Variants in SLC9C2 observed in about 807,000 individuals in gnomAD.
SLC9C2 encodes solute carrier family 9 member C2 (putative), also known as sodium/hydrogen exchanger 11.
SLC9C2 carries 75 observed loss-of-function variants against 140.2 expected under a neutral mutation model. The observed-to-expected ratio is 0.53, with a 90% CI of 0.44 to 0.65. SLC9C2 has a LOEUF of 0.65. SLC9C2 is among the 30% of genes least tolerant of loss of function. The pLI is 0.00. For synonymous variants in SLC9C2, 375 were observed against 420.9 expected (o/e 0.89, Z 1.34); for missense variants, 1,074 against 1,331.8 (o/e 0.81, Z 3.01).
chr1:173,575,796 T>C (rs910957865), intron 8 of SLC9C2, among the ~76,000 whole-genome samples: 1 of 152,132 alleles, frequency 6.6e-6, no homozygotes, highest in Non-Finnish European at 1.5e-5. Flanking sequence ...GCCAGGATGG[T>C]CTCGATCTCC....
At chr1:173,559,861 A>G (rs1355389843) in intron 9 of SLC9C2, among the ~76,000 whole-genome samples, 7 of 152,158 alleles carry the variant, frequency 4.6e-5, no homozygotes, top group Non-Finnish European at 8.8e-5. Flanking sequence ...TGGGGATATG[A>G]TAGGGGTGGA....
chr1:173,556,634 C>T (rs1005523047), intron 10 of SLC9C2, among the ~76,000 whole-genome samples: 2 of 151,676 alleles, frequency 1.3e-5, no homozygotes, highest in African/African-American at 2.4e-5. Context: ...GCATTTGTAC[C>T]CGGGCCTGGT....
At chr1:173,563,439 A>G (rs1396168650) in intron 9 of SLC9C2, among the ~76,000 whole-genome samples, 1 of 152,040 alleles carries the variant, frequency 6.6e-6, no homozygotes, top group African/African-American at 2.4e-5. Flanking sequence ...AGCTTTTCCC[A>G]ACTCCAGGAA....
At chr1:173,587,962 T>C in intron 4 of SLC9C2, 132 bp from the exon 5 acceptor site, 1 of 620,510 alleles carries the variant, frequency 1.6e-6, no homozygotes, top group Non-Finnish European at 2.5e-6. Flanking sequence ...CTTTAAAAGG[T>C]ATTCTAGTTT....
intron 11 of SLC9C2, among the ~76,000 whole-genome samples, chr1:173,554,352 A>T (rs571753391): frequency 1.3e-5 from 2 of 152,170 alleles, no homozygotes; most frequent in South Asian, 4.2e-4. Context: ...AGTTGGTTGG[A>T]TTGTAGACAT....
chr1:173,517,826 G>C, intron 22 of SLC9C2, 122 bp from the exon 23 acceptor site: 2 of 803,204 alleles, frequency 2.5e-6, no homozygotes, highest in Non-Finnish European at 3.6e-6. Flanking sequence ...CCTGTCAGGT[G>C]TGAAAGAAGA....
At chr1:173,576,800 A>G in intron 7 of SLC9C2, 40 bp from the exon 8 acceptor site, 1 of 1,227,564 alleles carries the variant, frequency 8.1e-7, no homozygotes, top group Non-Finnish European at 1.2e-6. Context: ...AATGCAATGT[A>G]TTCATATCTG....
intron 9 of SLC9C2, among the ~76,000 whole-genome samples, chr1:173,566,030 G>A (rs12069739): frequency 0.017 from 2,654 of 152,062 alleles, 71 homozygotes; most frequent in African/African-American, 0.061. Flanking sequence ...ATAAGTCCCA[G>A]GGATGATCAT....
At chr1:173,583,220 CA>C (rs1665657159) in intron 6 of SLC9C2, among the ~76,000 whole-genome samples, 2 of 152,186 alleles carry the variant, frequency 1.3e-5, no homozygotes, top group African/African-American at 4.8e-5. Context: ...ATACTTAATA[CA>C]ATGCAAATAC....
intron 26 of SLC9C2, among the ~76,000 whole-genome samples, chr1:173,504,059 C>T (rs1328174076): frequency 1.3e-5 from 2 of 152,204 alleles, no homozygotes; most frequent in Admixed American, 6.5e-5. Context: ...AGTTCCCAGC[C>T]TTGCCATAGA....
chr1:173,576,647 G>A lies in SLC9C2; in HGVS notation c.902+14C>T, dbSNP rs781326360. On this transcript the variant is annotated intron_variant, in intron 8 of 27. Coordinates refer to ENST00000367714, the MANE Select transcript of SLC9C2 (RefSeq NM_178527.4). ...TGCTATGAGATCCATCGAAGGGCAC[G>A]ATAGGAAACTTACTTAGTAATTACA... 9.0e-6 allele frequency: 14 copies of A among 1,555,460 alleles called. No homozygotes were observed. Among genetic ancestry groups the A allele is most frequent in the East Asian group, 2.2e-5 (1 of 44,508 alleles).
intron 13 of SLC9C2, among the ~76,000 whole-genome samples, chr1:173,541,182 C>CAA (rs1202517282): frequency 7.6e-6 from 1 of 132,086 alleles, no homozygotes. Flanking sequence ...AAATGGAAAG[C>CAA]AAAAAAAAAA....
At position 173,535,859 on chromosome 1, in the gene SLC9C2, A is replaced by G; in HGVS notation, c.1746T>C (p.Cys582=). 6.6e-7 allele frequency: 1 copy of G among 1,517,688 alleles called. No individual in the cohort carries two copies. The highest frequency in any genetic ancestry group is 2.4e-5 in the East Asian group (1 of 41,132). 94.0% of individuals were successfully genotyped at this position (1,517,688 alleles called of 1,614,324 possible). ...FKNVLTFLEY[C]IEKIHFIPPE... Reference sequence around the variant, plus strand: ...GTGGAATAAAATGTATCTTTTCTATACAATATTCCAAGAAAGTTAAAACAT... The same window carrying G: ...GTGGAATAAAATGTATCTTTTCTATGCAATATTCCAAGAAAGTTAAAACAT... The change falls in exon 15 of 28, where the codon TGT becomes TGC. Residue 582 remains cysteine, a synonymous_variant. Coordinates refer to ENST00000367714, the MANE Select transcript of SLC9C2 (RefSeq NM_178527.4).
intron 7 of SLC9C2, among the ~76,000 whole-genome samples, chr1:173,577,987 T>C (rs1031751): frequency 0.039 from 5,641 of 142,912 alleles, 126 homozygotes; most frequent in Middle Eastern, 0.044. Flanking sequence ...TTCTCTATAA[T>C]TGGTATTTTA....
At position 173,517,727 on chromosome 1, in the gene SLC9C2, C is replaced by A. The variant is rs956092424; in HGVS notation, c.2740-23G>T. ...CAACTGCAAAGGGAAAAAAAGTGTG[C>A]AAAGGGAAAGAAAAAATGAAAAACC... is the stretch of plus-strand genomic sequence containing the variant. On this transcript the variant is annotated intron_variant, in intron 22 of 27. Coordinates refer to ENST00000367714, the MANE Select transcript of SLC9C2 (RefSeq NM_178527.4). 4 of 1,577,476 alleles carry A rather than the reference C, an allele frequency of 2.5e-6. No homozygotes were observed. The African/African-American group carries it at 4.1e-5, about 16-fold the overall frequency.
At chr1:173,557,628 G>A (rs1663804452) in intron 9 of SLC9C2, 120 bp from the exon 10 acceptor site, 1 of 887,380 alleles carries the variant, frequency 1.1e-6, no homozygotes. Flanking sequence ...AAAAAACAAT[G>A]CAATTTACTG....
intron 17 of SLC9C2, among the ~76,000 whole-genome samples, chr1:173,531,219 C>T (rs1661558057): frequency 6.6e-6 from 1 of 152,052 alleles, no homozygotes. Flanking sequence ...AGTGAGTGTT[C>T]AATTAAAAAC....
rs189427172 is a variant in SLC9C2 at position 173,554,604 on chromosome 1, A to G, written c.1297+129T>C. 3 of 677,638 alleles carry G rather than the reference A, an allele frequency of 4.4e-6. No homozygotes were observed. The Admixed American group carries it at 7.6e-5, about 17-fold the overall frequency. The allele number at this position is 677,638 out of a possible 1,614,324, so 42.0% of individuals were successfully genotyped here. A position where few individuals can be genotyped will look rare whatever the true frequency, so the allele number is the denominator to read the frequency against. ...AAGTAATACAGCATCTAAATATATG[A>G]ATAAATGAAAAATGAATAATTTCTA... On this transcript the variant is annotated intron_variant, in intron 11 of 27. Transcript: ENST00000367714.
chr1:173,552,687 GA>G (rs1174829802), intron 11 of SLC9C2, among the ~76,000 whole-genome samples: 9 of 150,854 alleles, frequency 6.0e-5, no homozygotes, highest in South Asian at 2.1e-4. Flanking sequence ...CTACTGCTCA[GA>G]AAAAAAAAGA....
Sources: allele counts gnomAD v4.1 joint callset (sites outside exome capture counted in the v4.1 genomes callset), GRCh38; gene constraint gnomAD v4.1.1; transcripts MANE v1.5; gene names NCBI Gene and HGNC (gene_info 2026-07-23, HGNC 2026-07-21).